The following FOXP1 variants were observed in gnomAD, a reference collection of about 807,000 sequenced individuals.
FOXP1 encodes the protein forkhead box P1.
FOXP1 carries 15 observed loss-of-function variants against 98.2 expected under a neutral mutation model. The ratio of observed to expected loss-of-function variants is 0.15; its 90% CI spans 0.10 to 0.24. The LOEUF is 0.24. Among genes scored for constraint, FOXP1 ranks in the 10% least tolerant of loss-of-function variants. The probability of loss-of-function intolerance (pLI) is 1.00; values close to 1 mark genes in which losing one functional copy is unlikely to be tolerated. For synonymous variants in FOXP1, 371 were observed against 314.5 expected (o/e 1.18, Z -1.90); for missense variants, 633 against 848.5 (o/e 0.75, Z 3.15).
chr3:71,305,031 C>T (rs981630253), intron 4 of FOXP1, among the ~76,000 whole-genome samples: 7 of 152,088 alleles, frequency 4.6e-5, no homozygotes, highest in African/African-American at 1.4e-4. Context: ...TTTGAAATAA[C>T]ACTCTACCCT....
At chr3:71,275,156 T>C (rs1166070564) in intron 5 of FOXP1, among the ~76,000 whole-genome samples, 2 of 152,220 alleles carry the variant, frequency 1.3e-5, no homozygotes, top group East Asian at 3.8e-4. Flanking sequence ...CCAAATACTA[T>C]TCTATTTACC....
chr3:71,105,263 G>A (rs147244181), intron 7 of FOXP1, among the ~76,000 whole-genome samples: 3 of 152,140 alleles, frequency 2.0e-5, no homozygotes, highest in Non-Finnish European at 2.9e-5. Context: ...GCAAGGGTCC[G>A]ACAGTGTTAT....
intron 7 of FOXP1, among the ~76,000 whole-genome samples, chr3:71,098,689 C>T (rs1417205126): frequency 6.6e-6 from 1 of 152,166 alleles, no homozygotes; most frequent in Non-Finnish European, 1.5e-5. Flanking sequence ...GAATAAGTGT[C>T]TATGCTTTAT....
At chr3:71,478,322 T>C (rs549446179) in intron 3 of FOXP1, among the ~76,000 whole-genome samples, 1 of 152,158 alleles carries the variant, frequency 6.6e-6, no homozygotes, top group East Asian at 1.9e-4. Context: ...GAGAAAAAAA[T>C]ATTCCCAGGA....
chr3:71,416,547 AACACACACACACACACAC>A (rs55710900), intron 3 of FOXP1, among the ~76,000 whole-genome samples: 12 of 136,852 alleles, frequency 8.8e-5, no homozygotes, highest in Middle Eastern at 7.2e-3. Flanking sequence ...TCTGTCTCAA[AACACACACACACACACAC>A]ACACACACAC....
intron 5 of FOXP1, among the ~76,000 whole-genome samples, chr3:71,229,857 G>A (rs1216038790): frequency 1.3e-5 from 2 of 152,144 alleles, no homozygotes; most frequent in Non-Finnish European, 2.9e-5. Flanking sequence ...ACTGACAGAG[G>A]AGCCCATTCT....
At chr3:71,209,744 G>C (rs2064313627) in intron 5 of FOXP1, among the ~76,000 whole-genome samples, 1 of 152,116 alleles carries the variant, frequency 6.6e-6, no homozygotes, top group Non-Finnish European at 1.5e-5. Context: ...TTACAAGAAA[G>C]TTATCATGCC....
chr3:71,164,252 T>C (rs1576142036), intron 6 of FOXP1, among the ~76,000 whole-genome samples: 1 of 152,098 alleles, frequency 6.6e-6, no homozygotes, highest in African/African-American at 2.4e-5. Context: ...CAGGCTGGAG[T>C]GCAGTGGCGC....
chr3:71,368,397 G>C (rs2079065956), intron 3 of FOXP1, among the ~76,000 whole-genome samples: 1 of 152,126 alleles, frequency 6.6e-6, no homozygotes, highest in African/African-American at 2.4e-5. Context: ...AAAGTGCTGG[G>C]ATTACAGGCA....
chr3:71,044,127 GTGT>G (rs1185633809), intron 10 of FOXP1, among the ~76,000 whole-genome samples: 1 of 152,140 alleles, frequency 6.6e-6, no homozygotes, highest in Non-Finnish European at 1.5e-5. Context: ...CTACCAAAGG[GTGT>G]TGTTATTTGA....
chr3:71,516,715 G>A (rs892308337), intron 2 of FOXP1, among the ~76,000 whole-genome samples: 4 of 152,032 alleles, frequency 2.6e-5, no homozygotes, highest in East Asian at 1.9e-4. Flanking sequence ...GTGTTGTGGC[G>A]GGCACCTGCA....
chr3:71,041,450 G>C lies in FOXP1; in HGVS notation c.747C>G (p.His249Gln). Reference sequence around the variant, plus strand: ...ATGTCGTGGTCAGATCCAAACTGCTGTGATTGTTGCCTGTGGTTTCTTCTG... The same window carrying C: ...ATGTCGTGGTCAGATCCAAACTGCTCTGATTGTTGCCTGTGGTTTCTTCTG... The part of the protein sequence containing the change: ...HTAEETTGNN[H>Q]SSLDLTTTCV... Residue 249 changes from histidine (H) to glutamine (Q), a missense_variant, in exon 11 of 21, where the codon CAC (histidine) becomes CAG (glutamine). His to Gln is a conservative substitution (Grantham distance 24). Coordinates refer to ENST00000649528, the MANE Select transcript of FOXP1 (RefSeq NM_001349338.3). 1 of 1,613,902 alleles carries C rather than the reference G, an allele frequency of 6.2e-7. No individual in the cohort carries two copies. Among genetic ancestry groups the C allele is most frequent in the Non-Finnish European group, 8.5e-7 (1 of 1,179,838 alleles).
intron 11 of FOXP1, among the ~76,000 whole-genome samples, chr3:71,032,820 A>T (rs2047052362): frequency 6.6e-6 from 1 of 151,730 alleles, no homozygotes; most frequent in African/African-American, 2.4e-5. Flanking sequence ...AGAGCATAAG[A>T]CTCCCAGCTG....
chr3:71,061,355 C>G (rs1277327627), intron 7 of FOXP1, among the ~76,000 whole-genome samples: 2 of 152,172 alleles, frequency 1.3e-5, no homozygotes, highest in East Asian at 3.8e-4. Context: ...TGCAGTCTTA[C>G]ATGAAATGTT....
intron 2 of FOXP1, among the ~76,000 whole-genome samples, chr3:71,564,672 T>C (rs2046779647): frequency 6.6e-6 from 1 of 152,256 alleles, no homozygotes; most frequent in South Asian, 2.1e-4. Flanking sequence ...AGCAACACTC[T>C]TTATCCCTGG....
intron 6 of FOXP1, among the ~76,000 whole-genome samples, chr3:71,170,612 T>G (rs1192294994): frequency 6.6e-6 from 1 of 152,210 alleles, no homozygotes; most frequent in Non-Finnish European, 1.5e-5. Context: ...GGAGTGTGCT[T>G]CTTTTGACTA....
chr3:71,020,514 A>G (rs2045271212), intron 11 of FOXP1, among the ~76,000 whole-genome samples: 1 of 152,206 alleles, frequency 6.6e-6, no homozygotes, highest in African/African-American at 2.4e-5. Context: ...TACTAAATCC[A>G]CCTGCTAAAT....
At chr3:70,966,195 G>A (rs1024038077) in intron 19 of FOXP1, 139 bp from the exon 20 acceptor site, 13 of 797,794 alleles carry the variant, frequency 1.6e-5, no homozygotes, top group Middle Eastern at 3.6e-4. Context: ...AAGAGGTGTT[G>A]AAAGATTTTG....
intron 18 of FOXP1, 123 bp downstream of exon 18, chr3:70,972,432 C>CCTTAACTGAGACAACGTGAAACCAGTT: frequency 7.1e-7 from 1 of 1,415,816 alleles, no homozygotes; most frequent in Non-Finnish European, 1.0e-6. Context: ...TTTTTGCTTC[C>CCTTAACTGAGACAACGTGAAACCAGTT]CTTAACTGAG....
Sources: allele counts gnomAD v4.1 joint callset (sites outside exome capture counted in the v4.1 genomes callset), GRCh38; gene constraint gnomAD v4.1.1; transcripts MANE v1.5; gene names NCBI Gene and HGNC (gene_info 2026-07-23, HGNC 2026-07-21).